Variants in SEMA6D observed in about 807,000 individuals in gnomAD.
SEMA6D encodes the protein semaphorin-6D.
A neutral mutation model predicts 106.6 loss-of-function variants in SEMA6D; 35 were observed. That is an observed-to-expected ratio of 0.33 (90% CI 0.25 to 0.44). The LOEUF (loss-of-function observed/expected upper bound fraction) is 0.44. SEMA6D is among the 20% of genes least tolerant of loss of function. The pLI is 1.00. For missense variants in SEMA6D, 1,185 were observed against 1,345.9 expected (o/e 0.88, Z 1.87); for synonymous variants, 499 against 487.7 (o/e 1.02, Z -0.31).
chr15:47,575,435 G>A (rs1166568597), intron 3 of SEMA6D, among the ~76,000 whole-genome samples: 1 of 152,042 alleles, frequency 6.6e-6, no homozygotes, highest in African/African-American at 2.4e-5. Flanking sequence ...AATGGGGGCT[G>A]GCTAGTATAA....
intron 3 of SEMA6D, among the ~76,000 whole-genome samples, chr15:47,474,830 T>A (rs1427027300): frequency 2.0e-5 from 3 of 152,186 alleles, no homozygotes; most frequent in African/African-American, 7.2e-5. Context: ...TTGGAGGTAA[T>A]ACGAATGTCA....
At chr15:47,674,461 T>C (rs1031754165) in intron 4 of SEMA6D, among the ~76,000 whole-genome samples, 1 of 152,236 alleles carries the variant, frequency 6.6e-6, no homozygotes, top group African/African-American at 2.4e-5. Flanking sequence ...GTCGAAAACA[T>C]TGTCAATAAA....
intron 1 of SEMA6D, among the ~76,000 whole-genome samples, chr15:47,204,860 G>C (rs1182608319): frequency 6.6e-6 from 1 of 151,878 alleles, no homozygotes; most frequent in Non-Finnish European, 1.5e-5. Context: ...GGTTAAACTT[G>C]TTAAAGTATG....
intron 1 of SEMA6D, among the ~76,000 whole-genome samples, chr15:47,342,278 A>C (rs1021486188): frequency 6.6e-6 from 1 of 152,202 alleles, no homozygotes; most frequent in African/African-American, 2.4e-5. Context: ...GCAGCAGGGC[A>C]GTCTGAATTC....
At chr15:47,769,230 C>T (rs895456675) in intron 18 of SEMA6D, among the ~76,000 whole-genome samples, 11 of 152,144 alleles carry the variant, frequency 7.2e-5, no homozygotes, top group African/African-American at 1.7e-4. Context: ...ACAGAGTGCT[C>T]GTCCATAACT....
chr15:47,243,518 T>A (rs1414371482), intron 1 of SEMA6D, among the ~76,000 whole-genome samples: 1 of 152,044 alleles, frequency 6.6e-6, no homozygotes, highest in East Asian at 1.9e-4. Flanking sequence ...AGGAAGATAA[T>A]GGAAGTTTTC....
chr15:47,494,015 T>C (rs914392800), intron 3 of SEMA6D, among the ~76,000 whole-genome samples: 1 of 152,144 alleles, frequency 6.6e-6, no homozygotes, highest in Non-Finnish European at 1.5e-5. Flanking sequence ...CAGAATGATA[T>C]TATGCATATG....
intron 2 of SEMA6D, among the ~76,000 whole-genome samples, chr15:47,448,881 C>A (rs975291369): frequency 6.6e-6 from 1 of 152,102 alleles, no homozygotes; most frequent in Non-Finnish European, 1.5e-5. Flanking sequence ...CATCCTTCCA[C>A]CCTGTTCAGA....
intron 1 of SEMA6D, among the ~76,000 whole-genome samples, chr15:47,231,154 T>C (rs1388355574): frequency 6.6e-6 from 1 of 151,978 alleles, no homozygotes; most frequent in African/African-American, 2.4e-5. Context: ...CTTTTCTCCC[T>C]TCTCTTTTTC....
At chr15:47,329,742 C>T (rs1346352584) in intron 1 of SEMA6D, among the ~76,000 whole-genome samples, 1 of 152,128 alleles carries the variant, frequency 6.6e-6, no homozygotes, top group Admixed American at 6.5e-5. Context: ...TAGCCTCTAC[C>T]ACAGACTTAC....
chr15:47,589,552 C>T (rs898145430), intron 3 of SEMA6D, among the ~76,000 whole-genome samples: 1 of 152,262 alleles, frequency 6.6e-6, no homozygotes, highest in African/African-American at 2.4e-5. Context: ...TCCAATCCTA[C>T]CCACTTTCCA....
chr15:47,737,510 A>G (rs1188369231), intron 1 of SEMA6D, among the ~76,000 whole-genome samples: 1 of 152,212 alleles, frequency 6.6e-6, no homozygotes, highest in Non-Finnish European at 1.5e-5. Flanking sequence ...GTCTATATGC[A>G]TCTCCGGTTT....
At chr15:47,670,413 T>C (rs2078115405) in intron 4 of SEMA6D, among the ~76,000 whole-genome samples, 1 of 152,216 alleles carries the variant, frequency 6.6e-6, no homozygotes. Context: ...GATTTCATTG[T>C]GTCTGTCCTT....
intron 1 of SEMA6D, among the ~76,000 whole-genome samples, chr15:47,330,986 G>A (rs2037321603): frequency 6.6e-6 from 1 of 152,158 alleles, no homozygotes; most frequent in Non-Finnish European, 1.5e-5. Flanking sequence ...ACACAGTCTT[G>A]TTTGTGTTGC....
chr15:47,416,584 C>T (rs946819836), intron 2 of SEMA6D, among the ~76,000 whole-genome samples: 12 of 152,058 alleles, frequency 7.9e-5, no homozygotes, highest in East Asian at 1.9e-4. Flanking sequence ...GGTCTGGCTA[C>T]GTCTATTATT....
At chr15:47,224,143 A>G (rs1308972313) in intron 1 of SEMA6D, among the ~76,000 whole-genome samples, 1 of 150,624 alleles carries the variant, frequency 6.6e-6, no homozygotes, top group Non-Finnish European at 1.5e-5. Context: ...TGTACCCTAA[A>G]ACTTAAAGTA....
chr15:47,450,050 G>C (rs1308815407), intron 2 of SEMA6D, among the ~76,000 whole-genome samples: 3 of 152,078 alleles, frequency 2.0e-5, no homozygotes, highest in Non-Finnish European at 2.9e-5. Flanking sequence ...GGATAGTTGG[G>C]CACCATTCTA....
intron 1 of SEMA6D, among the ~76,000 whole-genome samples, chr15:47,267,314 T>TC (rs1491229112): frequency 6.6e-6 from 1 of 152,020 alleles, no homozygotes; most frequent in Admixed American, 6.6e-5. Context: ...TCTTTTTTTT[T>TC]CTCTTTCTAC....
rs147558789 is a variant in SEMA6D, at chr15:47,271,877, T to C, written c.-239+87459T>C. 5.1e-3 allele frequency among the ~76,000 whole-genome samples: 778 copies of C among 152,342 alleles called. 15 individuals carry two copies. The highest frequency in any genetic ancestry group is 0.018 in the African/African-American group (738 of 41,580). On this transcript the variant is annotated intron_variant, in intron 1 of 19. Coordinates refer to the SEMA6D transcript ENST00000558014. ...TCTTGCTTTCAAGCTGGAATATTGA[T>C]GCATTTGGTAAAGTTCACATTCTTA...
Sources: allele counts gnomAD v4.1 joint callset (sites outside exome capture counted in the v4.1 genomes callset), GRCh38; gene constraint gnomAD v4.1.1; transcripts MANE v1.5; gene names NCBI Gene and HGNC (gene_info 2026-07-23, HGNC 2026-07-21).